MTCL3: variants seen among roughly 807,000 people sequenced by gnomAD.
MTCL3 encodes MTCL family member 3.
the MTCL3 span, chr6:127,473,392 C>T: frequency 6.6e-7 from 1 of 1,526,078 alleles, no homozygotes; most frequent in Non-Finnish European, 8.7e-7. Flanking sequence ...GCTGGAACAT[C>T]TGGGAAGGTA....
the MTCL3 span, chr6:127,476,031 G>C: frequency 6.2e-7 from 1 of 1,611,716 alleles, no homozygotes; most frequent in South Asian, 1.1e-5. The surrounding 1 kb of genome is among the most constrained non-coding windows in gnomAD (Gnocchi z 4.4). Context: ...GCTCCTCCAG[G>C]TCGGCCACGT....
At chr6:127,499,776 C>T in the MTCL3 span, among the ~76,000 whole-genome samples, 4 of 152,226 alleles carry the variant, frequency 2.6e-5, no homozygotes, top group African/African-American at 7.2e-5. Flanking sequence ...CATCGGTTGA[C>T]TCCTCCTTGG....
the MTCL3 span, chr6:127,515,482 A>C: frequency 7.2e-7 from 1 of 1,397,380 alleles, no homozygotes; most frequent in Admixed American, 3.6e-5. This position sits in a 1 kb window ranked among gnomAD's most constrained non-coding sequence, Gnocchi z 4.3. Flanking sequence ...CACTCTTCCC[A>C]TCCCCCAGCC....
At chr6:127,495,399 G>A in the MTCL3 span, among the ~76,000 whole-genome samples, 9 of 152,116 alleles carry the variant, frequency 5.9e-5, no homozygotes, top group African/African-American at 2.2e-4. Flanking sequence ...TAAGGCCTTT[G>A]TTTATAATTC....
At chr6:127,473,456 C>T in the MTCL3 span, 11 of 1,237,572 alleles carry the variant, frequency 8.9e-6, no homozygotes, top group Middle Eastern at 7.3e-4. Flanking sequence ...AACTTAAATT[C>T]ACATCAACAA....
chr6:127,515,858 C>T, the MTCL3 span: 15 of 1,611,648 alleles, frequency 9.3e-6, no homozygotes, highest in Admixed American at 6.7e-5. This position sits in a 1 kb window ranked among gnomAD's most constrained non-coding sequence, Gnocchi z 4.3. Context: ...TGCAGACATC[C>T]TTCTTTCCAG....
chr6:127,483,327 A>C, the MTCL3 span, among the ~76,000 whole-genome samples: 1 of 152,210 alleles, frequency 6.6e-6, no homozygotes, highest in Non-Finnish European at 1.5e-5. Flanking sequence ...ATTCCACATC[A>C]CTGAAGGAAA....
the MTCL3 span, among the ~76,000 whole-genome samples, chr6:127,477,673 G>A: frequency 6.6e-6 from 1 of 152,048 alleles, no homozygotes; most frequent in South Asian, 2.1e-4. Context: ...TGGAGAACAG[G>A]GCACAGGTCT....
the MTCL3 span, among the ~76,000 whole-genome samples, chr6:127,486,803 G>A: frequency 6.6e-6 from 1 of 152,078 alleles, no homozygotes; most frequent in African/African-American, 2.4e-5. Flanking sequence ...TTCTAAAAAT[G>A]TTTTGAGATT....
At chr6:127,476,612 T>C in the MTCL3 span, 1 of 645,020 alleles carries the variant, frequency 1.6e-6, no homozygotes, top group Non-Finnish European at 2.6e-6. This position sits in a 1 kb window ranked among gnomAD's most constrained non-coding sequence, Gnocchi z 4.4. Context: ...ATACTGTGTA[T>C]TTTCTTCAGA....
the MTCL3 span, chr6:127,476,137 G>A: frequency 6.2e-7 from 1 of 1,614,140 alleles, no homozygotes; most frequent in Non-Finnish European, 8.5e-7. The surrounding 1 kb of genome is among the most constrained non-coding windows in gnomAD (Gnocchi z 4.4). Context: ...CGGGTTGGCC[G>A]AGCCGTTGAA....
chr6:127,516,071 C>G, the MTCL3 span: 1 of 1,511,492 alleles, frequency 6.6e-7, no homozygotes, highest in Middle Eastern at 2.0e-4. Context: ...CCCTCCCTTT[C>G]CCCGGAGCCG....
chr6:127,493,192 C>A, the MTCL3 span, among the ~76,000 whole-genome samples: 1 of 152,024 alleles, frequency 6.6e-6, no homozygotes, highest in African/African-American at 2.4e-5. Flanking sequence ...TTAAATATTC[C>A]AAAATTTCCT....
the MTCL3 span, chr6:127,476,163 G>A: frequency 1.2e-6 from 2 of 1,614,148 alleles, no homozygotes; most frequent in Non-Finnish European, 8.5e-7. The surrounding 1 kb of genome is among the most constrained non-coding windows in gnomAD (Gnocchi z 4.4). Flanking sequence ...CGCCCCTAAG[G>A]TCGTCCAGTT....
chr6:127,473,042 T>G, the MTCL3 span: 1 of 1,026,700 alleles, frequency 9.7e-7, no homozygotes, highest in Non-Finnish European at 1.2e-6. Flanking sequence ...AAGTAAAAAT[T>G]AAAACAATTC....
chr6:127,516,164 C>G, the MTCL3 span: 19 of 1,439,394 alleles, frequency 1.3e-5, no homozygotes, highest in African/African-American at 1.2e-4. Context: ...GGCACGGACT[C>G]TAGCTCCCGA....
the MTCL3 span, among the ~76,000 whole-genome samples, chr6:127,483,535 T>G: frequency 6.6e-6 from 1 of 152,124 alleles, no homozygotes; most frequent in Admixed American, 6.5e-5. Flanking sequence ...ATGCCCCATC[T>G]CAAGAAACAG....
the MTCL3 span, among the ~76,000 whole-genome samples, chr6:127,489,237 A>G: frequency 6.6e-6 from 1 of 152,168 alleles, no homozygotes; most frequent in Non-Finnish European, 1.5e-5. Context: ...ACTGATATAA[A>G]TTGGCTAACT....
At chr6:127,508,247 C>T in the MTCL3 span, among the ~76,000 whole-genome samples, 1 of 152,088 alleles carries the variant, frequency 6.6e-6, no homozygotes, top group Non-Finnish European at 1.5e-5. Flanking sequence ...CCTATTAGAA[C>T]CAAGTGTAGC....
Sources: allele counts gnomAD v4.1 joint callset (sites outside exome capture counted in the v4.1 genomes callset), GRCh38; gene constraint gnomAD v4.1.1; non-coding constraint Gnocchi (gnomAD v3.1); transcripts MANE v1.5; gene names NCBI Gene and HGNC (gene_info 2026-07-23, HGNC 2026-07-21).